Variants in CNTNAP2 observed in about 807,000 individuals in gnomAD.
CNTNAP2 encodes contactin associated protein 2.
In CNTNAP2, 98 loss-of-function variants were observed where a neutral mutation model predicts 155.2. The ratio of observed to expected loss-of-function variants is 0.63; its 90% confidence interval spans 0.54 to 0.75. The LOEUF (loss-of-function observed/expected upper bound fraction) is 0.75. Among genes scored for constraint, CNTNAP2 ranks in the 30% least tolerant of loss-of-function variants. The probability of loss-of-function intolerance (pLI) is 0.00; values close to 1 mark genes in which losing one functional copy is unlikely to be tolerated. For missense variants in CNTNAP2, 1,727 were observed against 1,688.1 expected (o/e 1.02, Z -0.40); for synonymous variants, 651 against 631.2 (o/e 1.03, Z -0.47).
intron 3 of CNTNAP2, among the ~76,000 whole-genome samples, chr7:146,843,802 A>G (rs944875375): frequency 6.6e-6 from 1 of 152,126 alleles, no homozygotes; most frequent in Admixed American, 6.5e-5. Flanking sequence ...TTTTTAATCC[A>G]CTACTGCTTA....
chr7:147,036,528 TG>T (rs1251415360), intron 3 of CNTNAP2, among the ~76,000 whole-genome samples: 2 of 152,224 alleles, frequency 1.3e-5, no homozygotes, highest in Non-Finnish European at 2.9e-5. Context: ...TCAAGCTTTG[TG>T]AGATACATAT....
intron 1 of CNTNAP2, among the ~76,000 whole-genome samples, chr7:146,442,972 C>A (rs1796341867): frequency 6.6e-6 from 1 of 151,758 alleles, no homozygotes; most frequent in South Asian, 2.1e-4. Context: ...TTTGGGAGGC[C>A]GAGGCGGGCA....
chr7:147,142,886 G>T (rs907607575), intron 8 of CNTNAP2, among the ~76,000 whole-genome samples: 1 of 151,984 alleles, frequency 6.6e-6, no homozygotes, highest in Non-Finnish European at 1.5e-5. Flanking sequence ...CCCTGACAAG[G>T]ATTTCCTTCT....
intron 2 of CNTNAP2, among the ~76,000 whole-genome samples, chr7:146,836,332 A>G (rs1446492962): frequency 1.3e-5 from 2 of 152,174 alleles, no homozygotes; most frequent in Non-Finnish European, 2.9e-5. Context: ...ATAACACTTC[A>G]TTATAACATG....
intron 10 of CNTNAP2, among the ~76,000 whole-genome samples, chr7:147,477,127 T>A (rs1798336980): frequency 6.6e-6 from 1 of 152,110 alleles, no homozygotes; most frequent in East Asian, 1.9e-4. Context: ...GTAAAAGAGA[T>A]GAGATGGAAA....
At chr7:146,758,325 G>A (rs915923325) in intron 1 of CNTNAP2, among the ~76,000 whole-genome samples, 3 of 152,080 alleles carry the variant, frequency 2.0e-5, no homozygotes, top group African/African-American at 4.8e-5. Context: ...CTAGATTGTA[G>A]TGCTTCTCTT....
At chr7:147,005,864 T>A (rs1798514297) in intron 3 of CNTNAP2, among the ~76,000 whole-genome samples, 1 of 152,048 alleles carries the variant, frequency 6.6e-6, no homozygotes, top group South Asian at 2.1e-4. Flanking sequence ...AATAATCAGC[T>A]CAAAATAATC....
intron 14 of CNTNAP2, among the ~76,000 whole-genome samples, chr7:147,905,636 A>T (rs1004916244): frequency 2.0e-5 from 3 of 152,226 alleles, no homozygotes; most frequent in Non-Finnish European, 4.4e-5. Context: ...TAATCCCAGC[A>T]CTTTGGGAGG....
chr7:146,868,977 T>A (rs1383354887), intron 3 of CNTNAP2, among the ~76,000 whole-genome samples: 3 of 152,204 alleles, frequency 2.0e-5, no homozygotes, highest in African/African-American at 7.2e-5. Context: ...ATAGTTTGAC[T>A]TCTTGTCTTC....
intron 6 of CNTNAP2, among the ~76,000 whole-genome samples, chr7:147,127,711 T>C (rs149429038): frequency 6.6e-6 from 1 of 152,288 alleles, no homozygotes; most frequent in African/African-American, 2.4e-5. Context: ...TTTATAGTTA[T>C]ATATTCTCAT....
intron 15 of CNTNAP2, among the ~76,000 whole-genome samples, chr7:148,033,423 C>T (rs1055906154): frequency 3.3e-5 from 5 of 151,588 alleles, no homozygotes; most frequent in South Asian, 2.1e-4. Flanking sequence ...GTTACATGTG[C>T]CATGGTGGTT....
At chr7:147,640,661 C>T (rs1795256426) in intron 13 of CNTNAP2, among the ~76,000 whole-genome samples, 1 of 152,058 alleles carries the variant, frequency 6.6e-6, no homozygotes, top group Non-Finnish European at 1.5e-5. Flanking sequence ...GGTTCTTAAT[C>T]TCACGCAGAA....
chr7:147,266,987 G>A (rs192475192), intron 8 of CNTNAP2, among the ~76,000 whole-genome samples: 1 of 152,292 alleles, frequency 6.6e-6, no homozygotes, highest in Admixed American at 6.5e-5. Flanking sequence ...CTACTTAACA[G>A]TAAGGGGCAT....
intron 2 of CNTNAP2, among the ~76,000 whole-genome samples, chr7:146,783,184 C>T (rs1484694672): frequency 6.6e-6 from 1 of 152,034 alleles, no homozygotes; most frequent in Non-Finnish European, 1.5e-5. Context: ...AATTTGATCT[C>T]TTAGAATCTA....
chr7:147,600,815 C>T (rs906437912), intron 12 of CNTNAP2, among the ~76,000 whole-genome samples: 5 of 152,072 alleles, frequency 3.3e-5, no homozygotes, highest in Admixed American at 6.6e-5. Context: ...ATATTCACTA[C>T]CCCTAAACTA....
At chr7:147,055,365 T>A (rs571797872) in intron 4 of CNTNAP2, among the ~76,000 whole-genome samples, 1 of 152,200 alleles carries the variant, frequency 6.6e-6, no homozygotes, top group Non-Finnish European at 1.5e-5. Context: ...ACTGTCCCTA[T>A]TACTCTAGGC....
At position 147,658,182 on chromosome 7, in the gene CNTNAP2, G is replaced by A. The variant is rs911344002; in HGVS notation, c.2098+18876G>A. On this transcript the variant is annotated intron_variant, in intron 13 of 23. Transcript: ENST00000361727. ...TGAGGCAGGAGAATGGCGTGAACCC[G>A]GGAGGCGGAGCTTGCAGTGAGCCGA... Among the ~76,000 whole-genome samples, 8 of 143,402 alleles carry A rather than the reference G, an allele frequency of 5.6e-5. 1 individual carries two copies. Among genetic ancestry groups the A allele is most frequent in the African/African-American group, 2.0e-4 (8 of 39,144 alleles). 94.1% of individuals were successfully genotyped at this position (143,402 alleles called of 152,430 possible).
At chr7:147,855,142 C>T (rs1026522971) in intron 13 of CNTNAP2, among the ~76,000 whole-genome samples, 5 of 152,136 alleles carry the variant, frequency 3.3e-5, no homozygotes, top group African/African-American at 9.7e-5. Context: ...ACTCACTCTA[C>T]TAGAGTGTGA....
At chr7:148,327,110 G>A (rs1918296) in intron 21 of CNTNAP2, among the ~76,000 whole-genome samples, 121,623 of 151,518 alleles carry the variant, frequency 0.8, 48,903 homozygotes, top group African/African-American at 0.84. Context: ...CAGATTACAC[G>A]AAGGAGTGAA....
Sources: gnomAD v4.1 joint callset for allele counts (sites outside exome capture counted in the v4.1 genomes callset) on GRCh38, gnomAD v4.1.1 for gene constraint, MANE v1.5 for transcripts, NCBI Gene and HGNC (gene_info 2026-07-23, HGNC 2026-07-21) for gene names.